SHLD1: variants seen among roughly 807,000 people sequenced by gnomAD.
The protein encoded by SHLD1 is shieldin complex subunit 1.
SHLD1 carries 3 observed loss-of-function variants against 5.5 expected under a neutral mutation model. The observed-to-expected ratio is 0.54, with a 90% confidence interval of 0.25 to 1.40. The LOEUF is 1.40. Among genes scored for constraint, SHLD1 ranks in the 40% most tolerant of loss-of-function variants. SHLD1 has a pLI of 0.15. For synonymous variants in SHLD1, 92 were observed against 94.3 expected (o/e 0.98, Z 0.14); for missense variants, 210 against 244.4 (o/e 0.86, Z 0.94).
intron 1 of SHLD1, among the ~76,000 whole-genome samples, chr20:5,754,174 C>T (rs1475530381): frequency 6.6e-6 from 1 of 152,000 alleles, no homozygotes; most frequent in Non-Finnish European, 1.5e-5. Flanking sequence ...GCAGTGGTGT[C>T]ATCTCAGCTC....
At chr20:5,755,770 G>C (rs774074513) in intron 1 of SHLD1, among the ~76,000 whole-genome samples, 1 of 151,998 alleles carries the variant, frequency 6.6e-6, no homozygotes, top group Admixed American at 6.6e-5. Context: ...TGTTGGTCAG[G>C]GTGGTCTCAA....
chr20:5,843,295 C>T (rs201283089), intron 2 of SHLD1, among the ~76,000 whole-genome samples: 9 of 141,728 alleles, frequency 6.4e-5, no homozygotes, highest in East Asian at 4.1e-4. Flanking sequence ...TTGTTTTTTT[C>T]TTTTTTTTTT....
rs554306117 is a variant in SHLD1 at position 5,819,364 on chromosome 20, C to A, written c.179-43660C>A. Among the ~76,000 whole-genome samples the A allele has an allele frequency of 3.9e-5, 6 of 152,318 alleles. No individual in the cohort carries two copies. In the East Asian group the frequency reaches 9.6e-4, roughly 24 times the overall value. ...GATCTGGTGTGACCACACTCTTACC[C>A]TTATCTGTTATTTCTCATTCCAAAC... On this transcript the variant is annotated intron_variant, in intron 2 of 2. Transcript: ENST00000303142.
At chr20:5,784,258 T>C (rs966785979) in intron 2 of SHLD1, among the ~76,000 whole-genome samples, 1 of 151,874 alleles carries the variant, frequency 6.6e-6, no homozygotes, top group Non-Finnish European at 1.5e-5. Context: ...CAAGGCCATG[T>C]AGTAACCTGG....
chr20:5,772,189 T>C (rs1474460056), intron 1 of SHLD1: 1 of 454,654 alleles, frequency 2.2e-6, no homozygotes, highest in Non-Finnish European at 4.4e-6. Flanking sequence ...TTTTACCTTT[T>C]TGCCTAAAGA....
chr20:5,821,480 C>G (rs778945119), intron 2 of SHLD1, among the ~76,000 whole-genome samples: 1 of 152,116 alleles, frequency 6.6e-6, no homozygotes, highest in African/African-American at 2.4e-5. Context: ...CCACTGCACT[C>G]CAGCCTGGGT....
At chr20:5,856,640 A>T (rs975289842) in intron 2 of SHLD1, among the ~76,000 whole-genome samples, 1 of 152,218 alleles carries the variant, frequency 6.6e-6, no homozygotes, top group African/African-American at 2.4e-5. Flanking sequence ...CTGTCATAAG[A>T]TGAATAGTGC....
chr20:5,791,445 T>G (rs1445459447), intron 2 of SHLD1, among the ~76,000 whole-genome samples: 1 of 150,736 alleles, frequency 6.6e-6, no homozygotes, highest in East Asian at 2.0e-4. Flanking sequence ...ACTCATGTAG[T>G]CCCAGCTACT....
chr20:5,802,322 G>T (rs1300644519), intron 2 of SHLD1, among the ~76,000 whole-genome samples: 1 of 152,172 alleles, frequency 6.6e-6, no homozygotes, highest in African/African-American at 2.4e-5. Flanking sequence ...CCTCTATCTG[G>T]ATTGGGTCTC....
At chr20:5,768,395 C>A (rs1984963921) in intron 1 of SHLD1, among the ~76,000 whole-genome samples, 1 of 152,240 alleles carries the variant, frequency 6.6e-6, no homozygotes, top group South Asian at 2.1e-4. Flanking sequence ...TTGGGGAGAA[C>A]CTCTTCCAGA....
chr20:5,752,351 G>A (rs1210775737), intron 1 of SHLD1, among the ~76,000 whole-genome samples: 13 of 150,422 alleles, frequency 8.6e-5, no homozygotes, highest in Admixed American at 5.3e-4. Context: ...AGCTGAGATC[G>A]CACTACTGCA....
chr20:5,781,170 G>T (rs1449983772), intron 2 of SHLD1, among the ~76,000 whole-genome samples: 1 of 152,190 alleles, frequency 6.6e-6, no homozygotes. Flanking sequence ...TAAAGCAGGT[G>T]CAGGATTATA....
At chr20:5,795,941 G>C (rs140800035) in intron 2 of SHLD1, among the ~76,000 whole-genome samples, 1,918 of 151,644 alleles carry the variant, frequency 0.013, 34 homozygotes, top group African/African-American at 0.044. Flanking sequence ...GCAGTGAGCC[G>C]AGATCGCACC....
chr20:5,752,010 G>A (rs1285873330), intron 1 of SHLD1, among the ~76,000 whole-genome samples: 1 of 152,172 alleles, frequency 6.6e-6, no homozygotes, highest in Non-Finnish European at 1.5e-5. Context: ...AAGAATGCTT[G>A]AACTAAGATA....
At chr20:5,849,965 C>CAAAAAA (rs752647466) in intron 2 of SHLD1, among the ~76,000 whole-genome samples, 9 of 50,234 alleles carry the variant, frequency 1.8e-4, no homozygotes, top group African/African-American at 6.5e-4. Flanking sequence ...GACTCCGTCT[C>CAAAAAA]AAAAAAAAAA....
intron 2 of SHLD1, among the ~76,000 whole-genome samples, chr20:5,795,099 C>T (rs777003878): frequency 6.6e-6 from 1 of 151,508 alleles, no homozygotes; most frequent in South Asian, 2.1e-4. Flanking sequence ...ATTAGCCAGG[C>T]GTGGTGGCAC....
At chr20:5,849,552 A>G (rs1344404854) in intron 2 of SHLD1, among the ~76,000 whole-genome samples, 2 of 152,200 alleles carry the variant, frequency 1.3e-5, no homozygotes, top group South Asian at 2.1e-4. Flanking sequence ...TAACCCAGGT[A>G]TATCAGCCCC....
chr20:5,816,582 G>A (rs1167406517), intron 2 of SHLD1, among the ~76,000 whole-genome samples: 1 of 152,128 alleles, frequency 6.6e-6, no homozygotes, highest in Non-Finnish European at 1.5e-5. Flanking sequence ...AAAATCTGAG[G>A]ACCATAGCGA....
intron 1 of SHLD1, chr20:5,756,748 A>G: frequency 3.9e-6 from 1 of 256,006 alleles, no homozygotes; most frequent in Non-Finnish European, 8.0e-6. Context: ...CTGGAGTACA[A>G]TGACAATCTC....
Sources: allele counts gnomAD v4.1 joint callset (sites outside exome capture counted in the v4.1 genomes callset), GRCh38; gene constraint gnomAD v4.1.1; transcripts MANE v1.5; gene names NCBI Gene and HGNC (gene_info 2026-07-23, HGNC 2026-07-21).